The following COL19A1 variants were observed in gnomAD, a reference collection of about 807,000 sequenced individuals.
COL19A1 encodes collagen alpha-1(XIX) chain.
COL19A1 carries 159 observed loss-of-function variants against 190.2 expected under a neutral mutation model. The ratio of observed to expected loss-of-function variants is 0.84; its 90% CI spans 0.73 to 0.95. The LOEUF (loss-of-function observed/expected upper bound fraction) is 0.95. COL19A1 is among the 40% of genes least tolerant of loss of function. COL19A1 has a pLI of 0.00. For synonymous variants in COL19A1, 509 were observed against 458.9 expected, an observed-to-expected ratio of 1.11 and a Z score of -1.39; for missense variants, 1,418 against 1,431.9, an observed-to-expected ratio of 0.99 and a Z score of 0.16.
chr6:70,019,803 T>A (rs539061625), intron 11 of COL19A1, among the ~76,000 whole-genome samples: 1 of 152,232 alleles, frequency 6.6e-6, no homozygotes, highest in Admixed American at 6.5e-5. Context: ...CTCTACAACC[T>A]CTGATGTCAA....
At chr6:69,926,895 CAAG>C (rs1772436238) in intron 4 of COL19A1, among the ~76,000 whole-genome samples, 1 of 151,986 alleles carries the variant, frequency 6.6e-6, no homozygotes, top group Admixed American at 6.6e-5. Flanking sequence ...AAACAGAAAA[CAAG>C]AAGTTCTCAA....
rs548335897 is a variant in COL19A1, at chr6:69,872,241, T to C, written c.-33+5601T>C. On this transcript the variant is annotated intron_variant, in intron 1 of 50. Transcript: ENST00000620364. The stretch of plus-strand genomic sequence containing the variant: ...CTTTTGAGCTCTGTGACCAGAGTGG[T>C]ACAATGGACTTTCCCTATTTGGCTC... 2.6e-5 allele frequency among the ~76,000 whole-genome samples: 4 copies of C among 152,304 alleles called. No individual in the cohort carries two copies. In the South Asian group the frequency reaches 8.3e-4, roughly 32 times the overall value.
intron 34 of COL19A1, among the ~76,000 whole-genome samples, chr6:70,161,515 A>C (rs1054741672): frequency 6.6e-6 from 1 of 152,152 alleles, no homozygotes; most frequent in Non-Finnish European, 1.5e-5. Flanking sequence ...AGTGAGGGCT[A>C]AGCTATGAGT....
At chr6:70,105,012 G>C (rs568403695) in intron 16 of COL19A1, among the ~76,000 whole-genome samples, 1 of 152,244 alleles carries the variant, frequency 6.6e-6, no homozygotes, top group Non-Finnish European at 1.5e-5. Context: ...CAGAGTGTTT[G>C]GGGGAGAGAG....
chr6:70,002,328 T>A (rs1449486885), intron 11 of COL19A1, among the ~76,000 whole-genome samples: 1 of 152,100 alleles, frequency 6.6e-6, no homozygotes, highest in Admixed American at 6.5e-5. Context: ...TAAGTTTTCT[T>A]TTTTTGTTGT....
At chr6:69,990,079 C>G (rs1028895495) in intron 11 of COL19A1, among the ~76,000 whole-genome samples, 1 of 152,058 alleles carries the variant, frequency 6.6e-6, no homozygotes, top group Non-Finnish European at 1.5e-5. Flanking sequence ...GAAGTACCCA[C>G]TTATAAAGAC....
intron 47 of COL19A1, among the ~76,000 whole-genome samples, 196 bp downstream of exon 47, chr6:70,188,441 T>C (rs959445813): frequency 6.6e-6 from 1 of 152,244 alleles, no homozygotes; most frequent in African/African-American, 2.4e-5. Context: ...CCTCATTTGA[T>C]CTTCACAATC....
intron 11 of COL19A1, among the ~76,000 whole-genome samples, chr6:70,010,998 C>T (rs1235709731): frequency 8.7e-4 from 5 of 5,724 alleles, no homozygotes; most frequent in Admixed American, 1.6e-3. Context: ...TCTCCCAGCA[C>T]GCAGCTGGAG....
chr6:70,085,142 A>G (rs1285319241), intron 15 of COL19A1, among the ~76,000 whole-genome samples: 2 of 152,230 alleles, frequency 1.3e-5, no homozygotes, highest in Non-Finnish European at 2.9e-5. Context: ...GAACATAATA[A>G]AATCCTCTAG....
At chr6:70,004,980 C>A (rs1445209460) in intron 11 of COL19A1, among the ~76,000 whole-genome samples, 8 of 151,928 alleles carry the variant, frequency 5.3e-5, no homozygotes, top group African/African-American at 1.7e-4. Context: ...CTACAGGTGC[C>A]TGCCACCACA....
chr6:70,172,231 A>G (rs1054362910), intron 41 of COL19A1, among the ~76,000 whole-genome samples: 5 of 152,180 alleles, frequency 3.3e-5, no homozygotes, highest in African/African-American at 1.2e-4. Flanking sequence ...GGGGCTATGG[A>G]AAGAAAGAAA....
chr6:70,185,550 A>G (rs890886368), intron 46 of COL19A1, among the ~76,000 whole-genome samples: 1 of 152,186 alleles, frequency 6.6e-6, no homozygotes, highest in Admixed American at 6.5e-5. Context: ...CAATTATGTT[A>G]TATGGTTTTG....
chr6:69,997,464 G>C (rs1776989441), intron 11 of COL19A1, among the ~76,000 whole-genome samples: 2 of 152,286 alleles, frequency 1.3e-5, no homozygotes, highest in Non-Finnish European at 2.9e-5. Context: ...TTGTAAATCT[G>C]TTCAAGGAAT....
At chr6:70,148,409 G>C (rs1040850821) in intron 27 of COL19A1, among the ~76,000 whole-genome samples, 1 of 152,046 alleles carries the variant, frequency 6.6e-6, no homozygotes, top group African/African-American at 2.4e-5. Context: ...TATTGTTAAG[G>C]AATTTACGAG....
At chr6:70,189,958 A>G (rs1490618635) in intron 47 of COL19A1, among the ~76,000 whole-genome samples, 2 of 152,248 alleles carry the variant, frequency 1.3e-5, no homozygotes, top group Admixed American at 6.5e-5. Flanking sequence ...AATTGTGATT[A>G]GGCTACTAAC....
At chr6:69,931,252 A>G (rs1051806708) in intron 6 of COL19A1, among the ~76,000 whole-genome samples, 2 of 152,100 alleles carry the variant, frequency 1.3e-5, no homozygotes, top group Non-Finnish European at 2.9e-5. Context: ...TTTTTTTTAA[A>G]TCAACTCAGC....
At chr6:70,098,290 A>G in intron 15 of COL19A1, 1 of 360,124 alleles carries the variant, frequency 2.8e-6, no homozygotes, top group South Asian at 2.5e-5. Flanking sequence ...CCCCCAAAGT[A>G]TCCTAGCTTA....
chr6:70,135,663 C>T (rs550094912), intron 18 of COL19A1, among the ~76,000 whole-genome samples: 1 of 152,138 alleles, frequency 6.6e-6, no homozygotes, highest in Non-Finnish European at 1.5e-5. Flanking sequence ...AGCAAAGAGA[C>T]CGGAATTGGG....
intron 4 of COL19A1, among the ~76,000 whole-genome samples, chr6:69,924,883 T>G (rs2150006838): frequency 6.6e-6 from 1 of 152,334 alleles, no homozygotes; most frequent in Middle Eastern, 3.4e-3. Context: ...ATAAATGTCT[T>G]CTTTTGAGAA....
Sources: gnomAD v4.1 joint callset for allele counts (sites outside exome capture counted in the v4.1 genomes callset) on GRCh38, gnomAD v4.1.1 for gene constraint, MANE v1.5 for transcripts, NCBI Gene and HGNC (gene_info 2026-07-23, HGNC 2026-07-21) for gene names.